CLASP1: variants seen among roughly 807,000 people sequenced by gnomAD.
The protein encoded by CLASP1 is cytoplasmic linker associated protein 1, also known as CLIP-associating protein 1.
In CLASP1, 38 loss-of-function variants were observed where a neutral mutation model predicts 192.3. The ratio of observed to expected loss-of-function variants is 0.20; its 90% CI spans 0.15 to 0.26. CLASP1 has a LOEUF of 0.26. Among genes scored for constraint, CLASP1 ranks in the 10% least tolerant of loss-of-function variants. The pLI is 1.00. For synonymous variants in CLASP1, 691 were observed against 712.8 expected, an observed-to-expected ratio of 0.97 and a Z score of 0.49; for missense variants, 1,433 against 1,932.5, an observed-to-expected ratio of 0.74 and a Z score of 4.85.
At chr2:121,380,324 C>T (rs1281665925) in intron 33 of CLASP1, among the ~76,000 whole-genome samples, 1 of 152,140 alleles carries the variant, frequency 6.6e-6, no homozygotes, top group Non-Finnish European at 1.5e-5. Flanking sequence ...CACAGCCTGT[C>T]TTGTTTCAGC....
chr2:121,469,733 A>G, intron 9 of CLASP1, 75 bp downstream of exon 9: 1 of 1,449,526 alleles, frequency 6.9e-7, no homozygotes, highest in Non-Finnish European at 9.2e-7. Flanking sequence ...GGGCCACCAC[A>G]GGCAAGTACG....
intron 8 of CLASP1, 26 bp from the exon 9 acceptor site, chr2:121,469,986 G>GT (rs556916848): frequency 2.5e-6 from 4 of 1,580,016 alleles, no homozygotes; most frequent in South Asian, 1.2e-5. Context: ...AGAAACCAAC[G>GT]TTTTTTTAAA....
chr2:121,572,679 T>C (rs984512335), intron 2 of CLASP1, among the ~76,000 whole-genome samples: 2 of 152,150 alleles, frequency 1.3e-5, no homozygotes, highest in Admixed American at 6.5e-5. Context: ...GCAGATCACC[T>C]GAGCTCAGAA....
chr2:121,615,452 G>A (rs992749451), intron 1 of CLASP1, among the ~76,000 whole-genome samples: 2 of 152,110 alleles, frequency 1.3e-5, no homozygotes, highest in African/African-American at 4.8e-5. Context: ...AGATAAGTAG[G>A]CATTATTATT....
At chr2:121,485,407 T>C (rs2092904171) in intron 8 of CLASP1, among the ~76,000 whole-genome samples, 4 of 152,244 alleles carry the variant, frequency 2.6e-5, no homozygotes, top group African/African-American at 9.6e-5. Flanking sequence ...TATCACAGCC[T>C]GGCCTAACTG....
intron 2 of CLASP1, among the ~76,000 whole-genome samples, chr2:121,557,910 G>A (rs150848103): frequency 0.017 from 2,602 of 151,502 alleles, 83 homozygotes; most frequent in African/African-American, 0.06. Context: ...GTGAAACCCC[G>A]TCTCTACTAA....
intron 6 of CLASP1, among the ~76,000 whole-genome samples, chr2:121,519,138 A>G (rs1376363268): frequency 6.6e-6 from 1 of 152,230 alleles, no homozygotes; most frequent in Non-Finnish European, 1.5e-5. Flanking sequence ...TTAAGGACCT[A>G]CTTGGCCATT....
intron 33 of CLASP1, among the ~76,000 whole-genome samples, chr2:121,378,601 C>T (rs1354499460): frequency 6.6e-6 from 1 of 151,886 alleles, no homozygotes; most frequent in Non-Finnish European, 1.5e-5. Context: ...CAGCATAAAG[C>T]AAGCAAAACA....
intron 14 of CLASP1, among the ~76,000 whole-genome samples, chr2:121,455,768 G>A (rs1430614193): frequency 4.6e-5 from 7 of 152,114 alleles, no homozygotes; most frequent in Non-Finnish European, 7.4e-5. Context: ...AGACTGAGGC[G>A]GGAGGATCAC....
chr2:121,557,454 G>A (rs530645973), intron 2 of CLASP1, among the ~76,000 whole-genome samples: 1 of 151,896 alleles, frequency 6.6e-6, no homozygotes, highest in South Asian at 2.1e-4. Context: ...CGTGGTGGCA[G>A]GTGCCTATAA....
At chr2:121,514,715 T>C (rs894748594) in intron 7 of CLASP1, among the ~76,000 whole-genome samples, 5 of 152,206 alleles carry the variant, frequency 3.3e-5, no homozygotes, top group African/African-American at 1.2e-4. Context: ...TGCCGTCATG[T>C]TTGCCTTAGA....
chr2:121,423,061 C>T (rs1164888743), intron 22 of CLASP1, among the ~76,000 whole-genome samples: 1 of 151,798 alleles, frequency 6.6e-6, no homozygotes, highest in Non-Finnish European at 1.5e-5. Context: ...ATTATGTCTG[C>T]CACCCTATTA....
chr2:121,600,139 C>A (rs1271247814), intron 2 of CLASP1, among the ~76,000 whole-genome samples: 2 of 152,102 alleles, frequency 1.3e-5, no homozygotes, highest in Non-Finnish European at 2.9e-5. Context: ...AGTAAAGCAA[C>A]CAGCAATACC....
At chr2:121,643,046 A>G (rs983778246) in intron 1 of CLASP1, among the ~76,000 whole-genome samples, 2 of 152,222 alleles carry the variant, frequency 1.3e-5, no homozygotes, top group African/African-American at 4.8e-5. Context: ...TTAATTGGAC[A>G]GTAGTGAGGG....
chr2:121,430,509 T>G (rs1446995416), intron 19 of CLASP1, among the ~76,000 whole-genome samples: 1 of 152,236 alleles, frequency 6.6e-6, no homozygotes, highest in Non-Finnish European at 1.5e-5. Context: ...TTTCCCATAA[T>G]TTTTTCCAGA....
intron 1 of CLASP1, among the ~76,000 whole-genome samples, chr2:121,624,800 C>T (rs1241660009): frequency 1.3e-5 from 2 of 152,186 alleles, no homozygotes; most frequent in Non-Finnish European, 2.9e-5. Context: ...TTAAAACGTA[C>T]AATTAATTCA....
chr2:121,424,004 T>C (rs1356119904), intron 22 of CLASP1, among the ~76,000 whole-genome samples: 2 of 152,186 alleles, frequency 1.3e-5, no homozygotes, highest in Non-Finnish European at 2.9e-5. Flanking sequence ...GCCTCTTGCC[T>C]GACTGCTTCT....
intron 2 of CLASP1, among the ~76,000 whole-genome samples, chr2:121,593,311 G>A (rs1417522647): frequency 6.6e-6 from 1 of 152,224 alleles, no homozygotes; most frequent in South Asian, 2.1e-4. Context: ...GACTGACAAT[G>A]AACTGTTCCA....
At chr2:121,454,155 C>G (rs141147915) in intron 14 of CLASP1, among the ~76,000 whole-genome samples, 127 of 152,018 alleles carry the variant, frequency 8.4e-4, no homozygotes, top group Middle Eastern at 3.4e-3. Context: ...CCTGCCCACC[C>G]CCCCCTCCAA....
Sources: allele counts gnomAD v4.1 joint callset (sites outside exome capture counted in the v4.1 genomes callset), GRCh38; gene constraint gnomAD v4.1.1; transcripts MANE v1.5; gene names NCBI Gene and HGNC (gene_info 2026-07-23, HGNC 2026-07-21).